DNAH3: variants seen among roughly 807,000 people sequenced by gnomAD.
DNAH3 encodes dynein axonemal heavy chain 3.
DNAH3 carries 332 observed loss-of-function variants against 432.5 expected under a neutral mutation model. The observed-to-expected ratio is 0.77, with a 90% CI of 0.70 to 0.84. The LOEUF is 0.84. Ranked by LOEUF, DNAH3 falls within the 40% of genes least tolerant of loss-of-function variation. The pLI, the probability that DNAH3 is intolerant of heterozygous loss-of-function variation, is 0.00. For synonymous variants in DNAH3, 1,956 were observed against 1,900.2 expected, an observed-to-expected ratio of 1.03 and a Z score of -0.76; for missense variants, 4,861 against 5,114.0, an observed-to-expected ratio of 0.95 and a Z score of 1.51.
At position 21,079,785 on chromosome 16, in the gene DNAH3, C is replaced by T. The variant is rs576047897; in HGVS notation, c.2969+1851G>A. On this transcript the variant is annotated intron_variant, in intron 20 of 61. Transcript: ENST00000261383. Reference sequence around the variant, plus strand: ...GGCCAAAAAACCTAAGGGTTTTTATCCTAAACCTGATAAAAAACATTTGCG... The same window carrying T: ...GGCCAAAAAACCTAAGGGTTTTTATTCTAAACCTGATAAAAAACATTTGCG... Among the ~76,000 whole-genome samples the T allele has an allele frequency of 2.6e-5, 4 of 152,340 alleles. No homozygotes were observed. In the East Asian group the frequency reaches 7.7e-4, roughly 29 times the overall value.
chr16:20,980,284 TTATAATATACATCA>T (rs547652275), intron 49 of DNAH3, among the ~76,000 whole-genome samples: 5 of 142,376 alleles, frequency 3.5e-5, no homozygotes, highest in African/African-American at 1.3e-4. Flanking sequence ...ACATCATATA[TTATAATATACATCA>T]TATATTATAT....
At chr16:20,997,494 C>A in intron 43 of DNAH3, 32 bp from the exon 44 acceptor site, 1 of 1,607,688 alleles carries the variant, frequency 6.2e-7, no homozygotes, top group South Asian at 1.1e-5. Flanking sequence ...ACAGCCATTG[C>A]AAGTTCATGG....
intron 9 of DNAH3, 111 bp from the exon 11 acceptor site, chr16:21,122,235 G>T: frequency 1.1e-6 from 1 of 887,312 alleles, no homozygotes; most frequent in Non-Finnish European, 1.7e-6. Flanking sequence ...AGGCAATGAA[G>T]GGCATCATAC....
At chr16:20,963,424 G>A (rs760214907) in exon 53 of DNAH3, 26 of 1,613,944 alleles carry the variant, frequency 1.6e-5, no homozygotes, top group East Asian at 6.7e-5. Context: ...CTCCCGGACC[G>A]CTGGCACCAT....
At chr16:21,025,263 T>C (rs60610432) in intron 38 of DNAH3, among the ~76,000 whole-genome samples, 5,618 of 151,680 alleles carry the variant, frequency 0.037, 350 homozygotes, top group African/African-American at 0.13. Context: ...TTTATATTTT[T>C]ATTTTAGTTG....
chr16:21,020,791 G>A (rs1327463721), intron 40 of DNAH3, among the ~76,000 whole-genome samples: 3 of 152,046 alleles, frequency 2.0e-5, no homozygotes, highest in Admixed American at 6.6e-5. Context: ...GTGGTATTAA[G>A]TGCATTCATA....
At chr16:20,971,656 G>T (rs549113220) in intron 51 of DNAH3, among the ~76,000 whole-genome samples, 60 of 152,262 alleles carry the variant, frequency 3.9e-4, no homozygotes, top group African/African-American at 1.4e-3. Flanking sequence ...GTGTAGTGGG[G>T]CGTCCTGGGT....
intron 27 of DNAH3, among the ~76,000 whole-genome samples, chr16:21,056,614 A>G (rs992175373): frequency 6.6e-6 from 1 of 152,212 alleles, no homozygotes; most frequent in Non-Finnish European, 1.5e-5. Context: ...AGCAGATGCC[A>G]AATCAATATT....
At chr16:20,944,179 T>A (rs1278401987) in intron 58 of DNAH3, among the ~76,000 whole-genome samples, 2 of 129,050 alleles carry the variant, frequency 1.5e-5, no homozygotes, top group East Asian at 4.4e-4. Flanking sequence ...TTTTAAAACA[T>A]TATGTAGAAA....
chr16:21,101,389 A>G (rs548506883), intron 16 of DNAH3, among the ~76,000 whole-genome samples: 1 of 152,312 alleles, frequency 6.6e-6, no homozygotes, highest in South Asian at 2.1e-4. Context: ...TAAATTCCAT[A>G]CATATTTCAT....
intron 44 of DNAH3, among the ~76,000 whole-genome samples, chr16:20,995,221 C>G (rs991446614): frequency 1.3e-5 from 2 of 151,704 alleles, no homozygotes; most frequent in Non-Finnish European, 2.9e-5. Context: ...GCTGGGATTA[C>G]AGCCGTGAGC....
At chr16:21,147,097 G>A (rs1037170580) in intron 1 of DNAH3, among the ~76,000 whole-genome samples, 53 of 151,846 alleles carry the variant, frequency 3.5e-4, no homozygotes, top group Admixed American at 1.3e-4. Context: ...TCTCCTCCTC[G>A]GATTCCCTTC....
At position 21,069,365 on chromosome 16, in the gene DNAH3, G is replaced by A. The variant is rs556649884; in HGVS notation, c.3381+50C>T. ...GAAGGTGACTAGAATGCATAATGAG[G>A]AAACATTTGTATTTCTGCTGGTAAG... On this transcript the variant is annotated intron_variant, in intron 23 of 61. Coordinates refer to ENST00000261383, the Ensembl canonical transcript of DNAH3. 5 of 1,531,470 alleles carry A rather than the reference G, an allele frequency of 3.3e-6. No homozygotes were observed. In the African/African-American group the frequency reaches 6.9e-5, roughly 21 times the overall value. The allele number at this position is 1,531,470 out of a possible 1,614,324, so 94.9% of individuals were successfully genotyped here.
At chr16:21,159,060 C>T (rs945168572) in intron 1 of DNAH3, among the ~76,000 whole-genome samples, 1 of 151,652 alleles carries the variant, frequency 6.6e-6, no homozygotes, top group Non-Finnish European at 1.5e-5. Flanking sequence ...GTAGCTAGCA[C>T]CACCACACCC....
At chr16:21,096,033 G>T (rs1018402623) in intron 18 of DNAH3, among the ~76,000 whole-genome samples, 5 of 152,138 alleles carry the variant, frequency 3.3e-5, no homozygotes, top group East Asian at 1.9e-4. Flanking sequence ...GCCTCCCAAA[G>T]TGCTGGGATT....
rs532127494 is a variant in DNAH3 at position 21,113,030 on chromosome 16, G to A, written c.1815-932C>T. 7.2e-5 allele frequency among the ~76,000 whole-genome samples: 11 copies of A among 152,306 alleles called. No individual in the cohort carries two copies. In the South Asian group the frequency reaches 2.1e-3, roughly 29 times the overall value. On this transcript the variant is annotated intron_variant, in intron 12 of 61. Transcript: ENST00000261383. ...AGAAGGGACTTGCCTTGTCTCAGAT[G>A]AGACTTTGCACTGTGGACTTTTGGG...
chr16:21,109,114 C>A (rs1214787419), intron 14 of DNAH3, among the ~76,000 whole-genome samples: 2 of 144,360 alleles, frequency 1.4e-5, no homozygotes, highest in Admixed American at 7.0e-5. Context: ...CAGAGCGAGA[C>A]TCTGTCTCAA....
intron 43 of DNAH3, among the ~76,000 whole-genome samples, chr16:20,998,060 A>AT: frequency 6.6e-6 from 1 of 151,962 alleles, no homozygotes; most frequent in East Asian, 1.9e-4. Context: ...CAGGCATTTA[A>AT]TTTTTTCCCA....
intron 1 of DNAH3, among the ~76,000 whole-genome samples, chr16:21,149,335 T>C (rs577123292): frequency 1.3e-5 from 2 of 152,222 alleles, no homozygotes; most frequent in African/African-American, 2.4e-5. Context: ...GCTTAGTTAT[T>C]ATCTACAAAT....
Sources: allele counts gnomAD v4.1 joint callset (sites outside exome capture counted in the v4.1 genomes callset), GRCh38; gene constraint gnomAD v4.1.1; transcripts MANE v1.5; gene names NCBI Gene and HGNC (gene_info 2026-07-23, HGNC 2026-07-21).